The following ZNF273 variants were observed in gnomAD, a reference collection of about 807,000 sequenced individuals.
The protein encoded by ZNF273 is zinc finger protein 9.
A neutral mutation model predicts 14.9 loss-of-function variants in ZNF273; 11 were observed. The observed-to-expected ratio is 0.74, with a 90% confidence interval of 0.46 to 1.22. The LOEUF (loss-of-function observed/expected upper bound fraction) is 1.22. Among genes scored for constraint, ZNF273 ranks in the 50% most tolerant of loss-of-function variants. ZNF273 has a pLI of 0.00. For synonymous variants in ZNF273, 199 were observed against 223.9 expected, an observed-to-expected ratio of 0.89 and a Z score of 0.99; for missense variants, 577 against 660.6, an observed-to-expected ratio of 0.87 and a Z score of 1.39.
At position 64,903,285 on chromosome 7, in the gene ZNF273, A is replaced by G. The variant is rs1344636308; in HGVS notation, c.-33A>G. On this transcript the variant is annotated 5_prime_UTR_variant, in exon 1 of 4. Coordinates refer to ENST00000476120, the MANE Select transcript of ZNF273 (RefSeq NM_021148.3). ...TGGCGGGGCCTTTGTCTCTCGCTGC[A>G]GTCGCAGCTCCAGGTCTCGTCTTCA... The G allele has an allele frequency of 2.6e-6, 4 of 1,554,662 alleles. No homozygotes were observed. In the East Asian group the frequency reaches 6.8e-5, roughly 26 times the overall value.
intron 3 of ZNF273, among the ~76,000 whole-genome samples, chr7:64,896,347 CA>C (rs1792359040): frequency 6.6e-6 from 1 of 151,996 alleles, no homozygotes; most frequent in Admixed American, 6.6e-5. Context: ...GCAAATGAAC[CA>C]AAAACCACAC....
At chr7:64,909,469 T>G (rs539795959) in intron 1 of ZNF273, among the ~76,000 whole-genome samples, 2 of 152,262 alleles carry the variant, frequency 1.3e-5, no homozygotes, top group South Asian at 4.1e-4. Context: ...CCTCAAGTGA[T>G]CTGCCTACCT....
intron 3 of ZNF273, 84 bp from the exon 4 acceptor site, chr7:64,927,570 T>C: frequency 2.5e-6 from 3 of 1,196,248 alleles, no homozygotes; most frequent in Non-Finnish European, 3.5e-6. Flanking sequence ...CTTATGTAGT[T>C]TGTATATTTT....
In ZNF273 at chr7:64,930,583, C is replaced by T. The variant is rs1794969973; in HGVS notation, c.*1545C>T. 6.6e-6 allele frequency: 1 copy of T among 152,214 alleles called. No homozygotes were observed. The highest frequency in any genetic ancestry group is 1.9e-4 in the East Asian group (1 of 5,182). 9.4% of individuals were successfully genotyped at this position (152,214 alleles called of 1,614,324 possible). A position where few individuals can be genotyped will look rare whatever the true frequency, so the allele number is the denominator to read the frequency against. ...TTATGCCACAAACTAACCTACCTCA[C>T]CTTACTCAATGGTGTAGGTAAAAGA... On this transcript the variant is annotated 3_prime_UTR_variant, in exon 4 of 4. Coordinates refer to ENST00000476120, the MANE Select transcript of ZNF273 (RefSeq NM_021148.3).
At chr7:64,925,652 T>A (rs1233677874) in intron 3 of ZNF273, among the ~76,000 whole-genome samples, 1 of 151,966 alleles carries the variant, frequency 6.6e-6, no homozygotes, top group South Asian at 2.1e-4. Context: ...GTTGGCCAGG[T>A]TGGTCTCGAA....
chr7:64,918,068 C>T (rs1794138049), intron 2 of ZNF273, 129 bp from the exon 3 acceptor site: 13 of 774,126 alleles, frequency 1.7e-5, no homozygotes, highest in Non-Finnish European at 2.2e-5. Flanking sequence ...TAGAAATTTA[C>T]ATTACTAATT....
At chr7:64,912,914 C>T (rs1243331308) in intron 1 of ZNF273, among the ~76,000 whole-genome samples, 1 of 140,788 alleles carries the variant, frequency 7.1e-6, no homozygotes, top group Non-Finnish European at 1.5e-5. Context: ...CTGCAACCTC[C>T]GCCTCTTGGG....
At chr7:64,879,047 T>C (rs6956037) in intron 2 of ZNF273, among the ~76,000 whole-genome samples, 61,290 of 152,116 alleles carry the variant, frequency 0.4, 12,618 homozygotes, top group South Asian at 0.45. Flanking sequence ...ATGATTCCTA[T>C]AGTATAAGAA....
intron 3 of ZNF273, among the ~76,000 whole-genome samples, chr7:64,920,705 A>G (rs557346692): frequency 6.6e-6 from 1 of 152,254 alleles, no homozygotes; most frequent in African/African-American, 2.4e-5. Context: ...ACACCCCTCA[A>G]TCTTGAGCTT....
chr7:64,887,675 T>A (rs1275558185), intron 1 of ZNF273, among the ~76,000 whole-genome samples: 2 of 147,654 alleles, frequency 1.4e-5, no homozygotes, highest in Non-Finnish European at 3.0e-5. Context: ...TCTTTTTGTA[T>A]TTTTAGTAGA....
upstream of ZNF273, among the ~76,000 whole-genome samples, chr7:64,898,682 C>T (rs565388002): frequency 4.6e-5 from 7 of 152,016 alleles, no homozygotes; most frequent in Non-Finnish European, 1.0e-4. Context: ...CCTAGTAATC[C>T]CTCTGAACAC....
chr7:64,899,803 C>T (rs1423762424), upstream of ZNF273, among the ~76,000 whole-genome samples: 4 of 150,698 alleles, frequency 2.7e-5, no homozygotes, highest in East Asian at 3.9e-4. Flanking sequence ...TCTTGTTGCC[C>T]GGGCTGGAGT....
rs954757419 is a variant in ZNF273, at chr7:64,888,673, G to A, written n.374G>A. ...CCCCTGACCAGGGGGCCGCGTCTTC[G>A]GCAAAGTCTTCGGGGTGAGAGGTCC... On this transcript the variant is annotated non_coding_transcript_exon_variant, in exon 2 of 2. Transcript: ENST00000471926. 4.1e-6 allele frequency: 4 copies of A among 985,626 alleles called. No homozygotes were observed. The Admixed American group carries it at 1.8e-4, about 45-fold the overall frequency. The allele number at this position is 985,626 out of a possible 1,614,324, so 61.1% of individuals were successfully genotyped here. A position where few individuals can be genotyped will look rare whatever the true frequency, so the allele number is the denominator to read the frequency against.
At position 64,903,323 on chromosome 7, in the gene ZNF273, C is replaced by T; in HGVS notation, c.6C>T (p.Ser2=). Reference sequence around the variant, plus strand: ...GGTCTCGTCTTCACTGCTCTATGTCCTCTGCTCCTAGAGGTCCACCTTCTG... The same window carrying T: ...GGTCTCGTCTTCACTGCTCTATGTCTTCTGCTCCTAGAGGTCCACCTTCTG... The part of the protein sequence containing the change: M[S]SAPRGPPSVA... Residue 2 remains serine (S), a synonymous_variant, in exon 1 of 4, where the codon TCC becomes TCT. Transcript: ENST00000476120. 1.2e-6 allele frequency: 2 copies of T among 1,612,240 alleles called. No homozygotes were observed. Among genetic ancestry groups the T allele is most frequent in the East Asian group, 2.2e-5 (1 of 44,808 alleles).
At chr7:64,883,806 G>C (rs1448688105), downstream of ZNF273, among the ~76,000 whole-genome samples, 1 of 152,210 alleles carries the variant, frequency 6.6e-6, no homozygotes, top group Non-Finnish European at 1.5e-5. Context: ...TGGGCCTAGA[G>C]TTTCCTTGGT....
chr7:64,880,675 C>G (rs760079444), downstream of ZNF273, among the ~76,000 whole-genome samples: 9 of 152,064 alleles, frequency 5.9e-5, no homozygotes, highest in Non-Finnish European at 1.2e-4. Flanking sequence ...GTTACTGAAT[C>G]CGCTATAAAT....
rs373463830 is a variant in ZNF273, at chr7:64,928,827, C to G, written c.1499C>G (p.Thr500Ser). 3 of 1,613,644 alleles carry G rather than the reference C, an allele frequency of 1.9e-6. No individual in the cohort carries two copies. In the African/African-American group the frequency reaches 4.0e-5, roughly 22 times the overall value. The change falls in exon 4 of 4, where the codon ACT becomes AGT. Residue 500 changes from threonine (T) to serine (S), a missense_variant. Thr to Ser is a moderately conservative substitution (Grantham distance 58). Coordinates refer to ENST00000476120, the MANE Select transcript of ZNF273 (RefSeq NM_021148.3). ...GGTAAAGCCTTTAACTGGTCCTCAACTCTTACTAAACATAAGAGAATTCAT... is the reference window on the plus strand; with the variant it reads ...GGTAAAGCCTTTAACTGGTCCTCAAGTCTTACTAAACATAAGAGAATTCAT... ...ECGKAFNWSSTLTKHKRIHTG... is the reference protein window; with the variant it reads ...ECGKAFNWSSSLTKHKRIHTG...
intron 3 of ZNF273, chr7:64,923,325 T>G: frequency 2.2e-6 from 1 of 454,272 alleles, no homozygotes; most frequent in Non-Finnish European, 4.4e-6. Flanking sequence ...GTTGTTTGTT[T>G]TGTGTGTGTG....
chr7:64,887,360 G>A (rs1174896093), intron 1 of ZNF273, among the ~76,000 whole-genome samples: 4 of 146,490 alleles, frequency 2.7e-5, no homozygotes, highest in African/African-American at 9.8e-5. Flanking sequence ...CTCCTTCCAC[G>A]TGGGTCTCCC....
Sources: allele counts gnomAD v4.1 joint callset (sites outside exome capture counted in the v4.1 genomes callset), GRCh38; gene constraint gnomAD v4.1.1; transcripts MANE v1.5; gene names NCBI Gene and HGNC (gene_info 2026-07-23, HGNC 2026-07-21).